Variants in ARHGEF26 observed in about 807,000 individuals in gnomAD.
The protein encoded by ARHGEF26 is Rho guanine nucleotide exchange factor (GEF) 26.
A neutral mutation model predicts 89.4 loss-of-function variants in ARHGEF26; 59 were observed. The ratio of observed to expected loss-of-function variants is 0.66; its 90% CI spans 0.54 to 0.82. The LOEUF is 0.82. Among genes scored for constraint, ARHGEF26 ranks in the 40% least tolerant of loss-of-function variants. ARHGEF26 has a pLI of 0.00. For synonymous variants in ARHGEF26, 500 were observed against 428.4 expected, an observed-to-expected ratio of 1.17 and a Z score of -2.06; for missense variants, 1,234 against 1,085.6, an observed-to-expected ratio of 1.14 and a Z score of -1.92.
At chr3:154,134,787 T>G (rs1215335173) in intron 4 of ARHGEF26, among the ~76,000 whole-genome samples, 1 of 152,026 alleles carries the variant, frequency 6.6e-6, no homozygotes, top group Non-Finnish European at 1.5e-5. Flanking sequence ...TTTTTTAACA[T>G]GAATCAATGT....
intron 12 of ARHGEF26, among the ~76,000 whole-genome samples, chr3:154,243,549 C>A (rs1332076062): frequency 2.6e-5 from 4 of 152,140 alleles, no homozygotes; most frequent in Non-Finnish European, 5.9e-5. Flanking sequence ...TTTAATCTTG[C>A]CAAAGACTGA....
intron 6 of ARHGEF26, among the ~76,000 whole-genome samples, chr3:154,177,773 C>T (rs1426387473): frequency 6.6e-6 from 1 of 152,110 alleles, no homozygotes; most frequent in Admixed American, 6.5e-5. Context: ...TCATAAGATT[C>T]ACTTGAAAAG....
At chr3:154,124,373 T>G in intron 2 of ARHGEF26, 37 bp from the exon 3 acceptor site, 1 of 171,842 alleles carries the variant, frequency 5.8e-6, no homozygotes, top group Non-Finnish European at 9.6e-6. Flanking sequence ...TTGCTTTTCC[T>G]TTTTTTTTTT....
chr3:154,132,374 C>T (rs1016364473), intron 4 of ARHGEF26, among the ~76,000 whole-genome samples: 2 of 151,970 alleles, frequency 1.3e-5, no homozygotes, highest in Non-Finnish European at 2.9e-5. Context: ...TCCTTCCTAC[C>T]TCCCCAGAGA....
intron 12 of ARHGEF26, among the ~76,000 whole-genome samples, chr3:154,249,983 G>A (rs989035506): frequency 1.3e-5 from 2 of 152,066 alleles, no homozygotes; most frequent in African/African-American, 4.8e-5. Flanking sequence ...CTTAGTTCCT[G>A]CTTTAGAGAT....
chr3:154,208,171 A>C (rs1376719096), intron 9 of ARHGEF26, among the ~76,000 whole-genome samples: 1 of 152,160 alleles, frequency 6.6e-6, no homozygotes, highest in Non-Finnish European at 1.5e-5. Context: ...GATGGGATGA[A>C]CTGTGCAGTA....
Position 154,123,003 on chromosome 3 carries a change from C to T in ARHGEF26, c.1011C>T (p.Asn337=). Residue 337 remains asparagine (N), a synonymous_variant, in exon 2 of 15, where the codon AAC becomes AAT. Coordinates refer to ENST00000465093, the MANE Select transcript of ARHGEF26 (RefSeq NM_015595.4). ...GTCCTACCAGCTCGAAGAAGAAGAACAGAATGTCCCAGCCTGTTCTGAAAG... is the reference window on the plus strand; with the variant it reads ...GTCCTACCAGCTCGAAGAAGAAGAATAGAATGTCCCAGCCTGTTCTGAAAG... ...FDSPTSSKKK[N]RMSQPVLKVV... is the part of the protein sequence containing the mutation. 1 of 1,613,864 alleles carries T rather than the reference C, an allele frequency of 6.2e-7. No homozygotes were observed. Among genetic ancestry groups the T allele is most frequent in the Non-Finnish European group, 8.5e-7 (1 of 1,179,846 alleles).
intron 9 of ARHGEF26, among the ~76,000 whole-genome samples, chr3:154,199,114 A>G (rs529688998): frequency 1.3e-5 from 2 of 152,050 alleles, no homozygotes; most frequent in Non-Finnish European, 2.9e-5. Flanking sequence ...TATTGACTGT[A>G]GTCACCCTGT....
At chr3:154,180,140 A>G (rs1713091816) in intron 6 of ARHGEF26, among the ~76,000 whole-genome samples, 2 of 152,158 alleles carry the variant, frequency 1.3e-5, no homozygotes, top group Non-Finnish European at 2.9e-5. Flanking sequence ...CTCTCTTATA[A>G]GGACCTCTGT....
At chr3:154,190,030 T>TA (rs917008468) in intron 7 of ARHGEF26, among the ~76,000 whole-genome samples, 4 of 151,582 alleles carry the variant, frequency 2.6e-5, no homozygotes, top group African/African-American at 7.3e-5. Flanking sequence ...ACATTTTTTT[T>TA]AAAAAAAATG....
At chr3:154,166,936 A>G (rs1712079149) in intron 6 of ARHGEF26, among the ~76,000 whole-genome samples, 1 of 152,164 alleles carries the variant, frequency 6.6e-6, no homozygotes, top group African/African-American at 2.4e-5. Flanking sequence ...AGTTTTTTTA[A>G]TACGATGATT....
At chr3:154,177,870 C>T (rs776687030) in intron 6 of ARHGEF26, among the ~76,000 whole-genome samples, 2 of 152,152 alleles carry the variant, frequency 1.3e-5, no homozygotes, top group Non-Finnish European at 2.9e-5. Context: ...ATACAAGCCC[C>T]GGCCCTCCAT....
At chr3:154,188,874 A>G (rs561221180) in intron 7 of ARHGEF26, among the ~76,000 whole-genome samples, 1 of 152,220 alleles carries the variant, frequency 6.6e-6, no homozygotes, top group East Asian at 1.9e-4. Context: ...CCCCAATGAG[A>G]TTTTTAGTAT....
chr3:154,131,327 C>G (rs1718674000), intron 4 of ARHGEF26, among the ~76,000 whole-genome samples: 1 of 152,144 alleles, frequency 6.6e-6, no homozygotes, highest in Non-Finnish European at 1.5e-5. Flanking sequence ...TGAGTATTTT[C>G]TCAACTCAAA....
intron 2 of ARHGEF26, among the ~76,000 whole-genome samples, chr3:154,123,512 G>A (rs573934894): frequency 6.6e-6 from 1 of 152,306 alleles, no homozygotes; most frequent in Admixed American, 6.5e-5. Flanking sequence ...ACTGATTCCT[G>A]TTTGAGCCTG....
intron 9 of ARHGEF26, among the ~76,000 whole-genome samples, chr3:154,199,610 T>C (rs1354285454): frequency 6.6e-6 from 1 of 152,152 alleles, no homozygotes; most frequent in Non-Finnish European, 1.5e-5. Context: ...CATATGGTAA[T>C]CAATTTTTAG....
chr3:154,175,190 A>G (rs1712729967), intron 6 of ARHGEF26, among the ~76,000 whole-genome samples: 1 of 152,188 alleles, frequency 6.6e-6, no homozygotes, highest in African/African-American at 2.4e-5. Context: ...ATAAACCGTA[A>G]TGGTTAGATC....
At chr3:154,123,848 G>A (rs1367341293) in intron 2 of ARHGEF26, among the ~76,000 whole-genome samples, 1 of 152,134 alleles carries the variant, frequency 6.6e-6, no homozygotes, top group Admixed American at 6.6e-5. Context: ...AAGAAACAGG[G>A]AAAACTGAAG....
rs575996956 is a variant in ARHGEF26 at position 154,139,990 on chromosome 3, AATGG to A, written c.1270-9397_1270-9394del. Among the ~76,000 whole-genome samples, 7 of 152,324 alleles carry A rather than the reference AATGG, an allele frequency of 4.6e-5. No individual in the cohort carries two copies. The South Asian group carries it at 1.2e-3, about 27-fold the overall frequency. On this transcript the variant is annotated intron_variant, in intron 4 of 14. Coordinates refer to ENST00000465093, the MANE Select transcript of ARHGEF26 (RefSeq NM_015595.4). Reference sequence around the variant, plus strand: ...GCCTATCCAACTATAATAATACAAAAATGGAGCAATTTCCACTTAGCCTGGTTAG... The same window carrying A: ...GCCTATCCAACTATAATAATACAAAAAGCAATTTCCACTTAGCCTGGTTAG...
Sources: gnomAD v4.1 joint callset for allele counts (sites outside exome capture counted in the v4.1 genomes callset) on GRCh38, gnomAD v4.1.1 for gene constraint, MANE v1.5 for transcripts, NCBI Gene and HGNC (gene_info 2026-07-23, HGNC 2026-07-21) for gene names.